Variants in SLC5A10 observed in about 807,000 individuals in gnomAD.
The protein encoded by SLC5A10 is sodium/mannose cotransporter SLC5A10.
A neutral mutation model predicts 68.9 loss-of-function variants in SLC5A10; 55 were observed. The ratio of observed to expected loss-of-function variants is 0.80; its 90% CI spans 0.64 to 1.00. The LOEUF (loss-of-function observed/expected upper bound fraction) is 1.00, where lower values mean the gene tolerates loss of function less well. Among genes scored for constraint, SLC5A10 ranks in the 50% least tolerant of loss-of-function variants. The pLI is 0.00. For missense variants in SLC5A10, 732 were observed against 819.3 expected (o/e 0.89, Z 1.30); for synonymous variants, 344 against 344.8 (o/e 1.00, Z 0.02).
In SLC5A10 at chr17:19,020,150, T is replaced by A; in HGVS notation, c.1627-5T>A. 6.2e-7 allele frequency: 1 copy of A among 1,604,604 alleles called. No individual in the cohort carries two copies. The highest frequency in any genetic ancestry group is 2.3e-5 in the East Asian group (1 of 44,390). The stretch of plus-strand genomic sequence containing the variant: ...CCCAACCCTATCCTCACTCATTTCT[T>A]ACAGATTGAGAACCTTACCTGGTGG... On this transcript the variant is annotated splice_polypyrimidine_tract_variant and splice_region_variant and intron_variant, in intron 13 of 14. Transcript: ENST00000395645.
chr17:19,011,813 G>A (rs1331318228), intron 9 of SLC5A10, among the ~76,000 whole-genome samples: 2 of 151,722 alleles, frequency 1.3e-5, no homozygotes, highest in African/African-American at 4.8e-5. Flanking sequence ...AGGGGGGACT[G>A]CCAGGGTAGG....
intron 9 of SLC5A10, chr17:18,978,568 C>T: frequency 6.2e-7 from 1 of 1,613,258 alleles, no homozygotes; most frequent in East Asian, 2.2e-5. Context: ...CCTCCTGCTT[C>T]TCAGAGGAGA....
chr17:18,970,851 C>A (rs2152001246), intron 7 of SLC5A10, 162 bp from the exon 8 acceptor site: 2 of 614,442 alleles, frequency 3.3e-6, no homozygotes, highest in South Asian at 2.0e-5. Context: ...AAAAAAACAA[C>A]CCTCTACCCT....
At chr17:18,977,117 G>C in intron 9 of SLC5A10, 128 bp downstream of exon 9, 1 of 1,334,406 alleles carries the variant, frequency 7.5e-7, no homozygotes, top group Non-Finnish European at 1.0e-6. Context: ...TGGGGAGTGG[G>C]GAGAGTGGTC....
At chr17:18,978,877 C>A in intron 9 of SLC5A10, 1 of 1,607,414 alleles carries the variant, frequency 6.2e-7, no homozygotes, top group South Asian at 1.1e-5. Context: ...GGGCGCTGGT[C>A]AGGCACATGA....
chr17:18,967,504 C>T lies in SLC5A10; in HGVS notation c.454-1548C>T, dbSNP rs551672504. 4.0e-3 allele frequency among the ~76,000 whole-genome samples: 605 copies of T among 152,316 alleles called. 1 individual carries two copies. The highest frequency in any genetic ancestry group is 5.1e-3 in the Non-Finnish European group (346 of 68,018). On this transcript the variant is annotated intron_variant, in intron 5 of 14. Coordinates refer to ENST00000395645, the MANE Select transcript of SLC5A10 (RefSeq NM_001042450.4). The stretch of plus-strand genomic sequence containing the variant: ...CCGGTGAGCAAAGACTCAGAGGCAG[C>T]TAAGTGCTGGGCATGGGATGAAGGG...
intron 1 of SLC5A10, among the ~76,000 whole-genome samples, chr17:18,957,110 T>C (rs115258295): frequency 1.6e-3 from 236 of 152,226 alleles, no homozygotes; most frequent in African/African-American, 5.5e-3. Context: ...GATCTGTCAC[T>C]GCATTCCAGC....
At position 18,997,890 on chromosome 17, in the gene SLC5A10, C is replaced by T. The variant is rs1426144500; in HGVS notation, c.983-15520C>T. 7.2e-5 allele frequency among the ~76,000 whole-genome samples: 11 copies of T among 152,324 alleles called. No homozygotes were observed. In the East Asian group the frequency reaches 2.1e-3, roughly 29 times the overall value. On this transcript the variant is annotated intron_variant, in intron 9 of 14. Transcript: ENST00000395645. ...GAGTGTTTTACACACCACACTTTTT[C>T]CCATTTAAATCTCACTGACTTTATG...
intron 5 of SLC5A10, among the ~76,000 whole-genome samples, chr17:18,966,445 C>T (rs2042710265): frequency 6.6e-6 from 1 of 152,150 alleles, no homozygotes; most frequent in African/African-American, 2.4e-5. Flanking sequence ...GCCTTGACCT[C>T]CCCATCTGTG....
rs374494624 is a variant in SLC5A10, at chr17:18,958,701, G to A, written c.131G>A (p.Arg44Lys). 5 of 1,614,090 alleles carry A rather than the reference G, an allele frequency of 3.1e-6. No homozygotes were observed. The African/African-American group carries it at 5.3e-5, about 17-fold the overall frequency. Residue 44 changes from arginine (R) to lysine (K), a missense_variant, in exon 2 of 15, where the codon AGG (arginine) becomes AAG (lysine). Arg to Lys is a conservative substitution (Grantham distance 26). Transcript: ENST00000395645. ...VGIWSSCRAS[R>K]NTVNGYFLAG... ...TTGCAGTCCTCTTGTCGGGCCAGTA[G>A]GAACACGGTGAATGGCTACTTCCTG... is the stretch of plus-strand genomic sequence containing the variant.
Position 19,017,150 on chromosome 17 carries a change from C to G in SLC5A10, c.1241+1951C>G, listed in dbSNP as rs2044156551. ...GTCGGCCTCCCTGAGGAGCAAGGCA[C>G]AAGGCTGCGTGGTGCAGGGCAGGTT... On this transcript the variant is annotated intron_variant, in intron 11 of 14. Coordinates refer to ENST00000395645, the MANE Select transcript of SLC5A10 (RefSeq NM_001042450.4). This position sits in a 1 kb window ranked among gnomAD's most constrained non-coding sequence, Gnocchi z 5.6. 1 of 751,952 alleles carries G rather than the reference C, an allele frequency of 1.3e-6. No homozygotes were observed. Among genetic ancestry groups the G allele is most frequent in the South Asian group, 1.8e-5 (1 of 56,482 alleles). 46.6% of individuals were successfully genotyped at this position (751,952 alleles called of 1,614,324 possible). A position where few individuals can be genotyped will look rare whatever the true frequency, so the allele number is the denominator to read the frequency against.
At chr17:18,970,928 C>A in intron 7 of SLC5A10, 85 bp from the exon 8 acceptor site, 1 of 1,337,818 alleles carries the variant, frequency 7.5e-7, no homozygotes, top group Middle Eastern at 2.1e-4. Flanking sequence ...CAGGAAGTTT[C>A]TTGTGAGATG....
At chr17:18,969,182 C>A (rs1054204165) in intron 6 of SLC5A10, 25 bp downstream of exon 6, 1 of 1,610,080 alleles carries the variant, frequency 6.2e-7, no homozygotes, top group Admixed American at 1.7e-5. Flanking sequence ...GCAGGGAGGT[C>A]CACCCAGGGG....
At chr17:19,020,010 C>A in intron 13 of SLC5A10, 82 bp downstream of exon 13, 1 of 1,475,672 alleles carries the variant, frequency 6.8e-7, no homozygotes, top group South Asian at 1.2e-5. Flanking sequence ...CACTCTGACT[C>A]AGAATTTTCT....
At position 18,952,372 on chromosome 17, in the gene SLC5A10, G is replaced by T. The variant is rs192021842; in HGVS notation, c.111+56G>T. The T allele has an allele frequency of 1.9e-4, 290 of 1,562,704 alleles. No individual in the cohort carries two copies. The African/African-American group carries it at 3.4e-3, about 18-fold the overall frequency. ...TGGGCTCTCAGGGTTGGTGCTTGGG[G>T]TGGGAACCGGGGTCCAGCATGTCCC... On this transcript the variant is annotated intron_variant, in intron 1 of 14. Coordinates refer to ENST00000395645, the MANE Select transcript of SLC5A10 (RefSeq NM_001042450.4).
intron 10 of SLC5A10, 89 bp from the exon 11 acceptor site, chr17:19,014,960 C>T (rs1247197881): frequency 1.1e-5 from 16 of 1,479,412 alleles, no homozygotes; most frequent in South Asian, 5.1e-5. Flanking sequence ...AAATGGCGGG[C>T]GGGCCTCAGG....
chr17:18,980,075 C>G (rs1386287333), intron 9 of SLC5A10, among the ~76,000 whole-genome samples: 1 of 152,074 alleles, frequency 6.6e-6, no homozygotes, highest in African/African-American at 2.4e-5. Context: ...AGAAGTGTCT[C>G]GTGGATGGCT....
At chr17:19,002,435 C>T (rs956728813) in intron 9 of SLC5A10, among the ~76,000 whole-genome samples, 2 of 152,224 alleles carry the variant, frequency 1.3e-5, no homozygotes, top group African/African-American at 4.8e-5. Flanking sequence ...CGAACTTCCC[C>T]AAGGCCCTGT....
At chr17:19,020,287 TC>T (rs1380669666) in intron 14 of SLC5A10, 37 bp from the exon 15 acceptor site, 1 of 1,611,786 alleles carries the variant, frequency 6.2e-7, no homozygotes. Context: ...TAACCTTGTG[TC>T]CTTCATCTGT....
Sources: gnomAD v4.1 joint callset for allele counts (sites outside exome capture counted in the v4.1 genomes callset) on GRCh38, gnomAD v4.1.1 for gene constraint, Gnocchi (gnomAD v3.1) non-coding constraint, MANE v1.5 for transcripts, NCBI Gene and HGNC (gene_info 2026-07-23, HGNC 2026-07-21) for gene names.